ADNP: variants seen among roughly 807,000 people sequenced by gnomAD.
ADNP encodes the protein activity-dependent neuroprotector homeobox protein.
ADNP carries 4 observed loss-of-function variants against 84.9 expected under a neutral mutation model. That is an observed-to-expected ratio of 0.05 (90% confidence interval 0.02 to 0.11). The LOEUF (loss-of-function observed/expected upper bound fraction) is 0.11. Ranked by LOEUF, ADNP falls within the 10% of genes least tolerant of loss-of-function variation. The pLI is 1.00. For synonymous variants in ADNP, 554 were observed against 468.1 expected, an observed-to-expected ratio of 1.18 and a Z score of -2.37; for missense variants, 1,132 against 1,326.0, an observed-to-expected ratio of 0.85 and a Z score of 2.27.
rs141986048 is a variant in ADNP at position 50,907,548 on chromosome 20, T to C, written c.-89-2699A>G. On this transcript the variant is annotated intron_variant, in intron 2 of 5. Coordinates refer to ENST00000621696, the MANE Select transcript of ADNP (RefSeq NM_001282531.3). ...TCCCAAAGTGCTGGGATTACAGGCG[T>C]GCACCACCATGCCTGGCCAGGAATG... Among the ~76,000 whole-genome samples, 10 of 152,196 alleles carry C rather than the reference T, an allele frequency of 6.6e-5. No individual in the cohort carries two copies. The East Asian group carries it at 1.9e-3, about 29-fold the overall frequency.
At chr20:50,895,893 A>G (rs947850383) in intron 5 of ADNP, among the ~76,000 whole-genome samples, 1 of 152,204 alleles carries the variant, frequency 6.6e-6, no homozygotes, top group Non-Finnish European at 1.5e-5. Context: ...TTAAATTTTT[A>G]ACTTTTTGAC....
chr20:50,909,087 T>A (rs572908636), intron 2 of ADNP, among the ~76,000 whole-genome samples: 34 of 148,724 alleles, frequency 2.3e-4, no homozygotes, highest in East Asian at 9.9e-4. Context: ...AAAAAAAAAA[T>A]TTGCCAGCCA....
chr20:50,920,241 AACAGAGCGAGATTCCAC>A (rs1983853120), intron 2 of ADNP, among the ~76,000 whole-genome samples: 1 of 132,112 alleles, frequency 7.6e-6, no homozygotes. Context: ...CAGCCTGGGC[AACAGAGCGAGATTCCAC>A]CTCCAAAAAA....
chr20:50,907,806 C>A (rs1568729269), intron 2 of ADNP, among the ~76,000 whole-genome samples: 2 of 150,970 alleles, frequency 1.3e-5, no homozygotes, highest in Non-Finnish European at 2.9e-5. Flanking sequence ...CCATGTTGCC[C>A]AAGCTGGTCC....
At chr20:50,929,821 A>T (rs910266335) in intron 1 of ADNP, among the ~76,000 whole-genome samples, 1 of 152,152 alleles carries the variant, frequency 6.6e-6, no homozygotes, top group Non-Finnish European at 1.5e-5. Context: ...ACAAACACAG[A>T]AACAGTTTGG....
At position 50,889,884 on chromosome 20, in the gene ADNP, G is replaced by A. The variant is rs1292469173; in HGVS notation, c.*1521C>T. 1 of 398,426 alleles carries A rather than the reference G, an allele frequency of 2.5e-6. No homozygotes were observed. The highest frequency in any genetic ancestry group is 4.4e-6 in the Non-Finnish European group (1 of 226,082). 24.7% of individuals were successfully genotyped at this position (398,426 alleles called of 1,614,324 possible). Reference sequence around the variant, plus strand: ...TCCCTTAATAGCAAGAGGGCCAAGAGTGGCAAATAGAGGCAGAGCCGCCTG... The same window carrying A: ...TCCCTTAATAGCAAGAGGGCCAAGAATGGCAAATAGAGGCAGAGCCGCCTG... On this transcript the variant is annotated 3_prime_UTR_variant, in exon 6 of 6. Coordinates refer to ENST00000621696, the MANE Select transcript of ADNP (RefSeq NM_001282531.3).
rs1393799355 is a variant in ADNP, at chr20:50,889,248, G to C, written c.*2157C>G. ...GGACCTGGACCCCAAGCCCCGTGGTGTCTTGTACAAGTCTCATTAGTCCTC... is the reference window on the plus strand; with the variant it reads ...GGACCTGGACCCCAAGCCCCGTGGTCTCTTGTACAAGTCTCATTAGTCCTC... On this transcript the variant is annotated 3_prime_UTR_variant, in exon 6 of 6. Coordinates refer to ENST00000621696, the MANE Select transcript of ADNP (RefSeq NM_001282531.3). 1 of 152,194 alleles carries C rather than the reference G, an allele frequency of 6.6e-6. No homozygotes were observed. The highest frequency in any genetic ancestry group is 6.6e-5 in the Admixed American group (1 of 15,266). 9.4% of individuals were successfully genotyped at this position (152,194 alleles called of 1,614,324 possible).
chr20:50,923,837 T>G (rs917362309), intron 2 of ADNP, among the ~76,000 whole-genome samples: 3 of 152,188 alleles, frequency 2.0e-5, no homozygotes, highest in Admixed American at 6.5e-5. Flanking sequence ...TGTTTTTAAG[T>G]GTAACTGATC....
intron 2 of ADNP, among the ~76,000 whole-genome samples, chr20:50,922,820 A>T (rs2122985456): frequency 6.6e-6 from 1 of 151,908 alleles, no homozygotes; most frequent in African/African-American, 2.4e-5. Context: ...TAAACTTGTG[A>T]TTTGCTCGCC....
At chr20:50,896,081 T>C (rs1031125291) in intron 5 of ADNP, among the ~76,000 whole-genome samples, 4 of 151,206 alleles carry the variant, frequency 2.6e-5, no homozygotes, top group Admixed American at 1.3e-4. Flanking sequence ...AAAAAATAGC[T>C]GCACATGGTG....
Position 50,894,116 on chromosome 20 carries a change from C to T in ADNP, c.598G>A (p.Ala200Thr), listed in dbSNP as rs577695640. Reference sequence around the variant, plus strand: ...GCCCCATTGAGTGATTTTTCTCCTGCCTTTGCTATGTAAGGTGCTGCCACA... The same window carrying T: ...GCCCCATTGAGTGATTTTTCTCCTGTCTTTGCTATGTAAGGTGCTGCCACA... ...QHVAAPYIAK[A>T]GEKSLNGAVP... is the part of the protein sequence containing the mutation. The change falls in exon 6 of 6, where the codon GCA becomes ACA. Residue 200 changes from alanine to threonine, a missense_variant. This residue lies in a region of ADNP where 130 missense variants were observed against 183.7 expected (regional missense o/e 0.71). Coordinates refer to ENST00000621696, the MANE Select transcript of ADNP (RefSeq NM_001282531.3). The T allele has an allele frequency of 1.9e-6, 3 of 1,614,122 alleles. No individual in the cohort carries two copies. Among genetic ancestry groups the T allele is most frequent in the East Asian group, 4.5e-5 (2 of 44,872 alleles).
At chr20:50,906,973 TTTG>T (rs1353019383) in intron 2 of ADNP, among the ~76,000 whole-genome samples, 3 of 96,002 alleles carry the variant, frequency 3.1e-5, no homozygotes, top group African/African-American at 8.5e-5. Flanking sequence ...GTTTTTTTTT[TTTG>T]TTTTTTTTTT....
At chr20:50,911,600 G>A (rs1406560651) in intron 2 of ADNP, among the ~76,000 whole-genome samples, 1 of 151,726 alleles carries the variant, frequency 6.6e-6, no homozygotes, top group Admixed American at 6.6e-5. Flanking sequence ...AGTTTAGCAG[G>A]CTCAAGGTAA....
At chr20:50,902,326 A>G (rs1355991089) in intron 4 of ADNP, among the ~76,000 whole-genome samples, 2 of 152,206 alleles carry the variant, frequency 1.3e-5, no homozygotes, top group Admixed American at 6.5e-5. Context: ...CCTGATGGTC[A>G]GTCAGGTTTC....
chr20:50,929,605 T>TAAG (rs1284023903), intron 1 of ADNP, among the ~76,000 whole-genome samples: 1 of 152,216 alleles, frequency 6.6e-6, no homozygotes, highest in Non-Finnish European at 1.5e-5. Flanking sequence ...TCATCGCCTT[T>TAAG]AGCCGACTTG....
chr20:50,910,049 T>C (rs1476121979), intron 2 of ADNP, among the ~76,000 whole-genome samples: 3 of 152,174 alleles, frequency 2.0e-5, no homozygotes, highest in African/African-American at 7.2e-5. Flanking sequence ...CCAAAAGTCT[T>C]GACAGACCCA....
At chr20:50,899,629 C>A (rs1171829190) in intron 5 of ADNP, among the ~76,000 whole-genome samples, 1 of 152,000 alleles carries the variant, frequency 6.6e-6, no homozygotes, top group Non-Finnish European at 1.5e-5. Context: ...GACGACACTG[C>A]CATCACAGGA....
intron 2 of ADNP, among the ~76,000 whole-genome samples, chr20:50,923,753 G>C (rs1487595007): frequency 6.6e-6 from 1 of 152,064 alleles, no homozygotes; most frequent in Non-Finnish European, 1.5e-5. Flanking sequence ...CCTGACCTCA[G>C]GTGACCCGCC....
intron 2 of ADNP, among the ~76,000 whole-genome samples, chr20:50,913,011 G>C (rs1281319691): frequency 6.6e-6 from 1 of 151,938 alleles, no homozygotes. Context: ...CAGCAGTTTG[G>C]GAGGCCAAGG....
Sources: gnomAD v4.1 joint callset for allele counts (sites outside exome capture counted in the v4.1 genomes callset) on GRCh38, gnomAD v4.1.1 for gene constraint, gnomAD v4.1.1 regional missense constraint, MANE v1.5 for transcripts, NCBI Gene and HGNC (gene_info 2026-07-23, HGNC 2026-07-21) for gene names.